FSHR: variants seen among roughly 807,000 people sequenced by gnomAD.
FSHR encodes the protein follicle stimulating hormone receptor.
FSHR carries 46 observed loss-of-function variants against 52.1 expected under a neutral mutation model. The ratio of observed to expected loss-of-function variants is 0.88; its 90% CI spans 0.70 to 1.13. FSHR has a LOEUF of 1.13. FSHR is among the 50% of genes most tolerant of loss of function. FSHR has a pLI of 0.00. For synonymous variants in FSHR, 399 were observed against 309.6 expected (o/e 1.29, Z -3.03); for missense variants, 964 against 834.6 (o/e 1.16, Z -1.91).
Position 49,017,396 on chromosome 2 carries a change from T to C in FSHR, c.374+93A>G, listed in dbSNP as rs1186006638. On this transcript the variant is annotated intron_variant, in intron 4 of 9. Transcript: ENST00000406846. ...CCCCACCACCATCCTTGATCAAAAGTAATTGCTCCCCAGAGTATCAAGTAG... is the reference window on the plus strand; with the variant it reads ...CCCCACCACCATCCTTGATCAAAAGCAATTGCTCCCCAGAGTATCAAGTAG... 8.6e-6 allele frequency: 8 copies of C among 933,826 alleles called. No individual in the cohort carries two copies. The African/African-American group carries it at 1.0e-4, about 12-fold the overall frequency. The allele number at this position is 933,826 out of a possible 1,614,324, so 57.8% of individuals were successfully genotyped here.
chr2:49,115,690 T>C (rs1310635728), intron 1 of FSHR, among the ~76,000 whole-genome samples: 1 of 152,194 alleles, frequency 6.6e-6, no homozygotes, highest in East Asian at 1.9e-4. Context: ...CATGCTGTCA[T>C]GATCTACTGG....
At chr2:49,026,593 A>G (rs942169961) in intron 2 of FSHR, among the ~76,000 whole-genome samples, 1 of 152,224 alleles carries the variant, frequency 6.6e-6, no homozygotes, top group Non-Finnish European at 1.5e-5. Context: ...TATAAAGCAT[A>G]TAAGATGGTA....
At chr2:48,995,608 G>A (rs1296606590) in intron 4 of FSHR, among the ~76,000 whole-genome samples, 1 of 152,084 alleles carries the variant, frequency 6.6e-6, no homozygotes, top group Non-Finnish European at 1.5e-5. Context: ...TTATGGGCAA[G>A]CATTAGAAGC....
chr2:49,002,292 C>A (rs1169864035), intron 4 of FSHR, among the ~76,000 whole-genome samples: 3 of 152,146 alleles, frequency 2.0e-5, no homozygotes, highest in Non-Finnish European at 4.4e-5. Flanking sequence ...TTCCCACACC[C>A]AGTTTCATCT....
In FSHR at chr2:48,962,783, T is replaced by G. The variant is rs752664767; in HGVS notation, c.2038A>C (p.Ser680Arg). ...GHCSSAPRVT[S>R]GSTYILVPLS... ...GGGACAAGTATGTAAGTGGAACCAC[T>G]GGTGACTCTGGGAGCTGAAGAGCAG... Residue 680 changes from serine (S) to arginine (R), a missense_variant, in exon 10 of 10, where the codon AGT becomes CGT. Physicochemically the swap from Ser to Arg is moderately radical, Grantham distance 110. Transcript: ENST00000406846. 5.6e-6 allele frequency: 9 copies of G among 1,613,980 alleles called. No homozygotes were observed. Among genetic ancestry groups the G allele is most frequent in the Non-Finnish European group, 7.6e-6 (9 of 1,179,964 alleles).
At chr2:48,990,537 G>C (rs1306735999) in intron 5 of FSHR, 29 bp downstream of exon 5, 1 of 1,421,322 alleles carries the variant, frequency 7.0e-7, no homozygotes, top group Admixed American at 1.7e-5. Flanking sequence ...TGAGTAAAGA[G>C]TTGGTAGTCA....
At chr2:49,036,335 C>G (rs970430875) in intron 2 of FSHR, among the ~76,000 whole-genome samples, 12 of 151,968 alleles carry the variant, frequency 7.9e-5, no homozygotes, top group African/African-American at 2.9e-4. Flanking sequence ...TTCATCATCT[C>G]CAGTTACCCT....
intron 4 of FSHR, among the ~76,000 whole-genome samples, chr2:48,999,767 T>G (rs1676175091): frequency 6.6e-6 from 1 of 152,108 alleles, no homozygotes; most frequent in Non-Finnish European, 1.5e-5. Flanking sequence ...CTCAGAGCCT[T>G]TACCATGACA....
At chr2:49,022,284 G>GAACA (rs10691636) in intron 2 of FSHR, among the ~76,000 whole-genome samples, 85,843 of 151,326 alleles carry the variant, frequency 0.57, 24,586 homozygotes, top group East Asian at 0.78. Flanking sequence ...GAAATTATTA[G>GAACA]AACAAAGTAA....
intron 1 of FSHR, among the ~76,000 whole-genome samples, chr2:49,120,617 C>T (rs562291190): frequency 1.4e-4 from 21 of 152,308 alleles, no homozygotes; most frequent in African/African-American, 4.6e-4. Context: ...ATATTGTGCT[C>T]TAGTTGAAAT....
intron 1 of FSHR, among the ~76,000 whole-genome samples, chr2:49,128,471 C>A (rs956039974): frequency 1.3e-5 from 2 of 149,658 alleles, no homozygotes; most frequent in Non-Finnish European, 3.0e-5. Flanking sequence ...GAACCTAAAC[C>A]TTACAGTGAG....
intron 4 of FSHR, among the ~76,000 whole-genome samples, chr2:48,994,372 T>C (rs1675925153): frequency 6.6e-6 from 1 of 152,160 alleles, no homozygotes; most frequent in East Asian, 1.9e-4. Context: ...TTATGAAATA[T>C]CTATAGATAT....
intron 1 of FSHR, among the ~76,000 whole-genome samples, chr2:49,070,348 T>A (rs981796165): frequency 1.3e-5 from 2 of 152,196 alleles, no homozygotes; most frequent in African/African-American, 4.8e-5. Context: ...TCAAAGATTA[T>A]CTACTTCTAG....
At chr2:48,967,756 AG>A (rs1674542396) in intron 9 of FSHR, among the ~76,000 whole-genome samples, 1 of 152,230 alleles carries the variant, frequency 6.6e-6, no homozygotes, top group Non-Finnish European at 1.5e-5. Context: ...CTTTGGAGCA[AG>A]GAATATGTCC....
chr2:48,988,951 T>G (rs1007050543), intron 6 of FSHR, 26 bp downstream of exon 6: 12 of 1,578,832 alleles, frequency 7.6e-6, no homozygotes, highest in Admixed American at 1.7e-5. Context: ...AATGTTACTC[T>G]GTTGGATTTT....
chr2:49,135,935 A>T (rs558579450), intron 1 of FSHR, among the ~76,000 whole-genome samples: 1 of 152,228 alleles, frequency 6.6e-6, no homozygotes, highest in South Asian at 2.1e-4. Flanking sequence ...GGGAGGAGGA[A>T]GACAAGGGGT....
chr2:49,049,145 A>G lies in FSHR; in HGVS notation c.224+19074T>C, dbSNP rs145454209. Among the ~76,000 whole-genome samples the G allele has an allele frequency of 1.8e-3, 267 of 152,068 alleles. 2 individuals carry two copies. The highest frequency in any genetic ancestry group is 5.9e-3 in the African/African-American group (246 of 41,492). On this transcript the variant is annotated intron_variant, in intron 2 of 9. Transcript: ENST00000406846. ...TCGAGTATTATGCTGCCTTAATTGT[A>G]TCTTCACTGGATAGACAAAAACATT...
chr2:49,057,368 A>G (rs1044408775), intron 2 of FSHR, among the ~76,000 whole-genome samples: 3 of 152,174 alleles, frequency 2.0e-5, no homozygotes, highest in African/African-American at 7.2e-5. Context: ...TACAATGTTT[A>G]CTAAAAAAAT....
At chr2:49,102,911 C>T (rs532359036) in intron 1 of FSHR, among the ~76,000 whole-genome samples, 5 of 152,134 alleles carry the variant, frequency 3.3e-5, no homozygotes, top group African/African-American at 1.2e-4. Flanking sequence ...TCCTTGAAAT[C>T]GGATTGTAAA....
Sources: gnomAD v4.1 joint callset for allele counts (sites outside exome capture counted in the v4.1 genomes callset) on GRCh38, gnomAD v4.1.1 for gene constraint, MANE v1.5 for transcripts, NCBI Gene and HGNC (gene_info 2026-07-23, HGNC 2026-07-21) for gene names.